Variants in CEP63 observed in about 807,000 individuals in gnomAD.
The protein encoded by CEP63 is centrosomal protein 63.
A neutral mutation model predicts 89.1 loss-of-function variants in CEP63; 84 were observed. The ratio of observed to expected loss-of-function variants is 0.94; its 90% confidence interval spans 0.79 to 1.13. The LOEUF is 1.13. Ranked by LOEUF, CEP63 falls within the 50% of genes most tolerant of loss-of-function variation. The pLI, the probability that CEP63 is intolerant of heterozygous loss-of-function variation, is 0.00. For missense variants in CEP63, 838 were observed against 813.3 expected (o/e 1.03, Z -0.37); for synonymous variants, 267 against 272.5 (o/e 0.98, Z 0.20).
chr3:134,560,322 T>C (rs1344486126), intron 14 of CEP63, among the ~76,000 whole-genome samples: 1 of 152,250 alleles, frequency 6.6e-6, no homozygotes, highest in African/African-American at 2.4e-5. Flanking sequence ...TCACAGATTT[T>C]GTATTTGTGA....
chr3:134,619,324 C>T, the CEP63 span: 6,088 of 1,267,344 alleles, frequency 4.8e-3, 177 homozygotes, highest in African/African-American at 0.076. Context: ...GAAGACTCCA[C>T]CCCAACCCCC....
chr3:134,722,508 G>A, the CEP63 span, among the ~76,000 whole-genome samples: 18 of 151,554 alleles, frequency 1.2e-4, no homozygotes, highest in African/African-American at 4.4e-4. Flanking sequence ...AGCCAGCTTT[G>A]GTTTTGTTGA....
chr3:134,510,450 G>A, intron 3 of CEP63: 1 of 278,608 alleles, frequency 3.6e-6, no homozygotes, highest in Non-Finnish European at 7.1e-6. Flanking sequence ...TCACCTATCA[G>A]CAACACCACC....
At chr3:134,583,323 T>A (rs1207063838) in intron 10 of CEP63, among the ~76,000 whole-genome samples, 1 of 152,232 alleles carries the variant, frequency 6.6e-6, no homozygotes, top group Non-Finnish European at 1.5e-5. Flanking sequence ...GTCTAACATT[T>A]AAGTCTTTAA....
chr3:134,665,702 C>CACACACACAG, the CEP63 span, among the ~76,000 whole-genome samples: 274 of 102,340 alleles, frequency 2.7e-3, 3 homozygotes, highest in Non-Finnish European at 2.9e-3. Flanking sequence ...CACACACACA[C>CACACACACAG]AGAGAGAGAG....
chr3:134,546,159 A>T lies in CEP63; in HGVS notation c.800A>T (p.Glu267Val). 6.2e-7 allele frequency: 1 copy of T among 1,613,876 alleles called. No homozygotes were observed. Among genetic ancestry groups the T allele is most frequent in the Non-Finnish European group, 8.5e-7 (1 of 1,179,934 alleles). The change falls in exon 8 of 15, where the codon GAA (glutamate) becomes GTA (valine). Residue 267 changes from glutamate to valine, a missense_variant. By Grantham distance (121) the Glu-to-Val change is moderately radical (BLOSUM62 -2). Coordinates refer to ENST00000675561, the MANE Select transcript of CEP63 (RefSeq NM_001353108.3). ...TTGACTTTTTTGCAGGCTCTGCAGGAAGAAAAGAGAGAATTGAAGGCAGCT... is the reference window on the plus strand; with the variant it reads ...TTGACTTTTTTGCAGGCTCTGCAGGTAGAAAAGAGAGAATTGAAGGCAGCT... ...ESEKLLEALQ[E>V]EKRELKAALQ...
the CEP63 span, among the ~76,000 whole-genome samples, chr3:134,769,044 C>A: frequency 6.6e-6 from 1 of 152,144 alleles, no homozygotes; most frequent in African/African-American, 2.4e-5. Flanking sequence ...CCGGTCAGGC[C>A]AGGGAGCTTG....
At chr3:134,604,305 G>A in the CEP63 span, 1 of 1,614,006 alleles carries the variant, frequency 6.2e-7, no homozygotes. Context: ...TGTCGGAGTT[G>A]CCCTTGGCAA....
chr3:134,499,437 G>A (rs1490743687), intron 2 of CEP63, among the ~76,000 whole-genome samples: 12 of 151,856 alleles, frequency 7.9e-5, no homozygotes, highest in African/African-American at 2.7e-4. Flanking sequence ...ATGGTTTATC[G>A]ATTTTGTCTT....
the CEP63 span, chr3:134,606,970 C>T: frequency 1.0e-6 from 1 of 985,280 alleles, no homozygotes. Flanking sequence ...ACAGAACTAG[C>T]TACCACAAAG....
At chr3:134,577,431 C>CT (rs10662705), downstream of CEP63, among the ~76,000 whole-genome samples, 504 of 86,324 alleles carry the variant, frequency 5.8e-3, 75 homozygotes, top group Middle Eastern at 0.025. Context: ...TTCTAATCCA[C>CT]TTTTTTTTTT....
chr3:134,707,464 A>T, the CEP63 span, among the ~76,000 whole-genome samples: 1 of 152,232 alleles, frequency 6.6e-6, no homozygotes, highest in Non-Finnish European at 1.5e-5. Context: ...CAAAAGCAAG[A>T]GGAGATAAGG....
At chr3:134,710,459 G>T in the CEP63 span, among the ~76,000 whole-genome samples, 1,075 of 152,234 alleles carry the variant, frequency 7.1e-3, 11 homozygotes, top group African/African-American at 0.023. Context: ...GAATCTCTTG[G>T]AACAAGCGAA....
intron 10 of CEP63, among the ~76,000 whole-genome samples, chr3:134,581,334 A>G (rs1958341440): frequency 6.6e-6 from 1 of 152,162 alleles, no homozygotes; most frequent in Admixed American, 6.5e-5. Flanking sequence ...TAATCCAAGC[A>G]CTTTGGGAGG....
At chr3:134,740,246 T>C in the CEP63 span, among the ~76,000 whole-genome samples, 2 of 151,710 alleles carry the variant, frequency 1.3e-5, no homozygotes, top group African/African-American at 4.8e-5. Context: ...AGTGGGGTGG[T>C]AGGAGCACTT....
the CEP63 span, among the ~76,000 whole-genome samples, chr3:134,720,542 T>C: frequency 9.9e-5 from 15 of 152,264 alleles, no homozygotes; most frequent in African/African-American, 3.6e-4. Context: ...AGGGCAAGCC[T>C]TAGATAATAA....
chr3:134,639,034 G>T, the CEP63 span, among the ~76,000 whole-genome samples: 1 of 142,510 alleles, frequency 7.0e-6, no homozygotes, highest in Non-Finnish European at 1.5e-5. Context: ...TAACAGGTTG[G>T]CACATTTACA....
the CEP63 span, among the ~76,000 whole-genome samples, chr3:134,694,378 C>T: frequency 2.0e-5 from 3 of 152,186 alleles, no homozygotes; most frequent in Admixed American, 6.5e-5. Context: ...ACATCCTGCT[C>T]AGCAAAGTCA....
At chr3:134,593,288 T>A in the CEP63 span, among the ~76,000 whole-genome samples, 1 of 152,240 alleles carries the variant, frequency 6.6e-6, no homozygotes, top group East Asian at 1.9e-4. Flanking sequence ...ATCGTGATGG[T>A]AGCCAATAAT....
Sources: allele counts gnomAD v4.1 joint callset (sites outside exome capture counted in the v4.1 genomes callset), GRCh38; gene constraint gnomAD v4.1.1; transcripts MANE v1.5; gene names NCBI Gene and HGNC (gene_info 2026-07-23, HGNC 2026-07-21).